The following RUFY3 variants were observed in gnomAD, a reference collection of about 807,000 sequenced individuals.
RUFY3 encodes protein RUFY3.
RUFY3 carries 34 observed loss-of-function variants against 84.0 expected under a neutral mutation model. The ratio of observed to expected loss-of-function variants is 0.40; its 90% CI spans 0.31 to 0.54. RUFY3 has a LOEUF of 0.54. Ranked by LOEUF, RUFY3 falls within the 20% of genes least tolerant of loss-of-function variation. The pLI is 0.39. For synonymous variants in RUFY3, 242 were observed against 252.9 expected (o/e 0.96, Z 0.41); for missense variants, 507 against 736.8 (o/e 0.69, Z 3.61).
At chr4:70,798,625 AC>A (rs1731826532) in intron 14 of RUFY3, among the ~76,000 whole-genome samples, 1 of 152,094 alleles carries the variant, frequency 6.6e-6, no homozygotes, top group Non-Finnish European at 1.5e-5. Flanking sequence ...CTACTAAAAT[AC>A]AAAAAAGTAT....
intron 1 of RUFY3, among the ~76,000 whole-genome samples, chr4:70,709,294 A>G (rs886476197): frequency 2.0e-5 from 3 of 152,228 alleles, no homozygotes; most frequent in African/African-American, 4.8e-5. Flanking sequence ...ACTCTCTGCC[A>G]TGCCTTTTAA....
At chr4:70,739,990 C>CA (rs551882326) in intron 1 of RUFY3, among the ~76,000 whole-genome samples, 4,265 of 47,480 alleles carry the variant, frequency 0.09, 156 homozygotes, top group African/African-American at 0.18. Context: ...AACTCCGTCT[C>CA]AAAAAAAAAA....
At chr4:70,704,969 T>G in exon 1 of RUFY3, 1 of 1,226,986 alleles carries the variant, frequency 8.2e-7, no homozygotes, top group East Asian at 3.3e-5. Context: ...CCACCGCTGG[T>G]GCCGAAAGTT....
chr4:70,730,757 A>C (rs1170445964), intron 1 of RUFY3, among the ~76,000 whole-genome samples: 4 of 152,036 alleles, frequency 2.6e-5, no homozygotes, highest in Non-Finnish European at 2.9e-5. Flanking sequence ...AATTAAAAAA[A>C]GTAAAATAAG....
upstream of RUFY3, among the ~76,000 whole-genome samples, chr4:70,720,364 A>C (rs904668458): frequency 1.2e-4 from 18 of 151,968 alleles, no homozygotes; most frequent in Non-Finnish European, 5.9e-5. Flanking sequence ...TTGTATTTTT[A>C]GTAGAGATGA....
Position 70,804,416 on chromosome 4 carries a change from G to A in RUFY3, c.1719G>A (p.Lys573=), listed in dbSNP as rs757979416. Residue 573 remains lysine, a splice_region_variant and synonymous_variant, in exon 17 of 18, where the codon AAG becomes AAA. Transcript: ENST00000381006. The part of the protein sequence containing the change: ...QLCQEDGSLT[K]NVCKNCSGTF... ...GCCAGGAAGACGGCAGCCTAACAAA[G>A]GTAACTGTGATGAGAAACGGACAGG... 6.2e-7 allele frequency: 1 copy of A among 1,613,652 alleles called. No individual in the cohort carries two copies. The highest frequency in any genetic ancestry group is 8.5e-7 in the Non-Finnish European group (1 of 1,179,696).
chr4:70,738,115 C>G (rs1720683953), intron 1 of RUFY3, among the ~76,000 whole-genome samples: 1 of 149,306 alleles, frequency 6.7e-6, no homozygotes, highest in Non-Finnish European at 1.5e-5. Context: ...TCCCAAGTAG[C>G]TGGGATTAGA....
chr4:70,728,280 C>G (rs1405564172), intron 1 of RUFY3, among the ~76,000 whole-genome samples: 2 of 152,178 alleles, frequency 1.3e-5, no homozygotes, highest in Non-Finnish European at 2.9e-5. Context: ...GGTTGTTTAC[C>G]CTGATCTGTG....
In RUFY3 at chr4:70,806,183, C is replaced by T. The variant is rs1270245765; in HGVS notation, c.1720-333C>T. ...CTTTCACTGCCTTATTTGGAGTATG[C>T]GCAGGTACTTGCAAACTAATTTTAA... On this transcript the variant is annotated intron_variant, in intron 17 of 17. Transcript: ENST00000381006. Among the ~76,000 whole-genome samples, 6 of 152,176 alleles carry T rather than the reference C, an allele frequency of 3.9e-5. No individual in the cohort carries two copies. The East Asian group carries it at 5.8e-4, about 15-fold the overall frequency.
intron 12 of RUFY3, 170 bp downstream of exon 12, chr4:70,789,762 CTG>C: frequency 8.0e-7 from 1 of 1,252,012 alleles, no homozygotes; most frequent in South Asian, 2.1e-5. Context: ...TAAGGTATGA[CTG>C]AAATGTTTTT....
intron 1 of RUFY3, among the ~76,000 whole-genome samples, chr4:70,732,003 C>G (rs2148615541): frequency 6.6e-6 from 1 of 152,280 alleles, no homozygotes; most frequent in South Asian, 2.1e-4. Context: ...TTTTCAAACT[C>G]CTTTTCAACA....
rs752513639 is a variant in RUFY3 at position 70,806,706 on chromosome 4, G to A, written c.*47G>A. 53 of 1,606,466 alleles carry A rather than the reference G, an allele frequency of 3.3e-5. No individual in the cohort carries two copies. In the East Asian group the frequency reaches 1.2e-3, roughly 35 times the overall value. On this transcript the variant is annotated 3_prime_UTR_variant, in exon 18 of 18. Coordinates refer to ENST00000381006, the MANE Select transcript of RUFY3 (RefSeq NM_001037442.4). ...CCAAAACGTTTATGCAGGCTCCTCT[G>A]TACCTGTGTTTTAGCTGTCAGGATC...
chr4:70,705,171 G>A (rs1455654427), exon 1 of RUFY3: 2 of 1,461,518 alleles, frequency 1.4e-6, no homozygotes, highest in African/African-American at 1.5e-5. Context: ...CGGCTTCGGA[G>A]TGCGCCCGCC....
intron 1 of RUFY3, among the ~76,000 whole-genome samples, chr4:70,744,192 T>TTATTA (rs1375110404): frequency 6.6e-6 from 1 of 152,056 alleles, no homozygotes; most frequent in Admixed American, 6.6e-5. Flanking sequence ...TTTTAAAATT[T>TTATTA]TATTTTATTT....
chr4:70,715,588 C>CAAAAAAAAA (rs886636641), intron 1 of RUFY3, among the ~76,000 whole-genome samples: 2 of 46,666 alleles, frequency 4.3e-5, no homozygotes, highest in Admixed American at 2.8e-4. Context: ...ACACTATCTC[C>CAAAAAAAAA]AAAAAAAAAA....
chr4:70,769,193 A>C (rs1560523016), intron 5 of RUFY3, among the ~76,000 whole-genome samples: 1 of 152,142 alleles, frequency 6.6e-6, no homozygotes, highest in Non-Finnish European at 1.5e-5. Flanking sequence ...CAAAAAATAA[A>C]AAATTAGCTG....
At chr4:70,760,060 A>C (rs1048302652) in intron 1 of RUFY3, among the ~76,000 whole-genome samples, 2 of 152,192 alleles carry the variant, frequency 1.3e-5, no homozygotes, top group African/African-American at 4.8e-5. Context: ...TTTATGTTTG[A>C]TGGAAGTTAG....
At chr4:70,778,916 CTTA>C (rs905888060) in intron 8 of RUFY3, among the ~76,000 whole-genome samples, 2 of 152,132 alleles carry the variant, frequency 1.3e-5, no homozygotes, top group African/African-American at 4.8e-5. Context: ...GCCCAGTTGG[CTTA>C]TTGCAGGGAT....
At chr4:70,719,244 T>C (rs1283272637), upstream of RUFY3, among the ~76,000 whole-genome samples, 1 of 152,244 alleles carries the variant, frequency 6.6e-6, no homozygotes, top group Non-Finnish European at 1.5e-5. Flanking sequence ...GGCATGTTTT[T>C]CTTTCCTTGC....
Sources: allele counts gnomAD v4.1 joint callset (sites outside exome capture counted in the v4.1 genomes callset), GRCh38; gene constraint gnomAD v4.1.1; transcripts MANE v1.5; gene names NCBI Gene and HGNC (gene_info 2026-07-23, HGNC 2026-07-21).